Variants in CD58 observed in about 807,000 individuals in gnomAD.
The protein encoded by CD58 is CD58 molecule, also known as lymphocyte function-associated antigen 3.
In CD58, 14 loss-of-function variants were observed where a neutral mutation model predicts 27.6. That is an observed-to-expected ratio of 0.51 (90% confidence interval 0.34 to 0.79). The LOEUF (loss-of-function observed/expected upper bound fraction) is 0.79. Among genes scored for constraint, CD58 ranks in the 30% least tolerant of loss-of-function variants. CD58 has a pLI of 0.02. For missense variants in CD58, 268 were observed against 301.7 expected (o/e 0.89, Z 0.83); for synonymous variants, 117 against 103.8 (o/e 1.13, Z -0.77).
Position 116,550,736 on chromosome 1 carries a change from C to T in CD58, c.71-6132G>A, listed in dbSNP as rs1295534193. Among the ~76,000 whole-genome samples the T allele has an allele frequency of 1.3e-5, 2 of 152,052 alleles. No individual in the cohort carries two copies. The highest frequency in any genetic ancestry group is 2.9e-5 in the Non-Finnish European group (2 of 68,024). On this transcript the variant is annotated intron_variant, in intron 1 of 5. Transcript: ENST00000369489. The surrounding 1 kb of genome is among the most constrained non-coding windows in gnomAD (Gnocchi z 4.2). ...TTCAGAAGGTTGTCAATTTACTTTG[C>T]CCAGATTCATCAGAAGAATAATTAT...
intron 1 of CD58, among the ~76,000 whole-genome samples, chr1:116,560,471 C>T (rs1429144465): frequency 3.3e-5 from 5 of 152,166 alleles, no homozygotes; most frequent in African/African-American, 7.2e-5. Flanking sequence ...CTCAGTTCAT[C>T]GTTGGGAAAC....
rs1057386281 is a variant in CD58, at chr1:116,531,704, A to G, written c.628+4261T>C. Among the ~76,000 whole-genome samples, 2 of 152,240 alleles carry G rather than the reference A, an allele frequency of 1.3e-5. No homozygotes were observed. Among genetic ancestry groups the G allele is most frequent in the Non-Finnish European group, 2.9e-5 (2 of 68,042 alleles). On this transcript the variant is annotated intron_variant, in intron 3 of 5. Coordinates refer to ENST00000369489, the MANE Select transcript of CD58 (RefSeq NM_001779.3). This position sits in a 1 kb window ranked among gnomAD's most constrained non-coding sequence, Gnocchi z 4.5. ...TTTGATCTTTTCTCTGTCTTCAAAA[A>G]TCAAATCTATCAGTTATAAATTGGG...
At chr1:116,518,060 A>T (rs1316460903) in intron 5 of CD58, among the ~76,000 whole-genome samples, 1 of 152,208 alleles carries the variant, frequency 6.6e-6, no homozygotes, top group Non-Finnish European at 1.5e-5. Context: ...ATATTTTGAC[A>T]CAGTTATTTC....
At chr1:116,545,715 C>T (rs1658146247) in intron 1 of CD58, among the ~76,000 whole-genome samples, 1 of 152,150 alleles carries the variant, frequency 6.6e-6, no homozygotes, top group Non-Finnish European at 1.5e-5. Context: ...CTCTGCCCAG[C>T]CCTATTAGGG....
chr1:116,528,595 C>CA lies in CD58; in HGVS notation c.629-6613dup, dbSNP rs1050345823. On this transcript the variant is annotated intron_variant, in intron 3 of 5. Transcript: ENST00000369489. This position sits in a 1 kb window ranked among gnomAD's most constrained non-coding sequence, Gnocchi z 4.4. ...GAGAATATCCTCTTGCCTACCCCTT[C>CA]AAAAAATGTGCCCTTTCCCTAGGCT... Among the ~76,000 whole-genome samples, 5 of 152,160 alleles carry CA rather than the reference C, an allele frequency of 3.3e-5. No individual in the cohort carries two copies. The highest frequency in any genetic ancestry group is 1.2e-4 in the African/African-American group (5 of 41,432).
At chr1:116,565,643 T>C (rs780993807) in intron 1 of CD58, among the ~76,000 whole-genome samples, 6 of 149,268 alleles carry the variant, frequency 4.0e-5, no homozygotes, top group Non-Finnish European at 6.0e-5. Context: ...AAAAAATACA[T>C]AGAGTGTTAC....
chr1:116,563,494 T>C lies in CD58; in HGVS notation c.70+7409A>G, dbSNP rs897905684. ...TTCCACACTGCCCTAGCAGAGGTTC[T>C]CCATGAGGGTCCCACTCCTGCAGCA... On this transcript the variant is annotated intron_variant, in intron 1 of 5. Transcript: ENST00000369489. This position sits in a 1 kb window ranked among gnomAD's most constrained non-coding sequence, Gnocchi z 4.1. Among the ~76,000 whole-genome samples, 4 of 152,158 alleles carry C rather than the reference T, an allele frequency of 2.6e-5. No individual in the cohort carries two copies. The highest frequency in any genetic ancestry group is 1.3e-4 in the Admixed American group (2 of 15,286).
At chr1:116,547,780 T>C (rs935520743) in intron 1 of CD58, among the ~76,000 whole-genome samples, 6 of 152,214 alleles carry the variant, frequency 3.9e-5, no homozygotes, top group Non-Finnish European at 7.3e-5. Context: ...ACATGTTGTG[T>C]GTTGTCTTTT....
At chr1:116,568,864 G>A (rs1659031858) in intron 1 of CD58, among the ~76,000 whole-genome samples, 1 of 152,242 alleles carries the variant, frequency 6.6e-6, no homozygotes, top group Non-Finnish European at 1.5e-5. Flanking sequence ...TGACCCCAGA[G>A]CTGATGCTGT....
rs1446554386 is a variant in CD58, at chr1:116,534,526, C to T, written c.628+1439G>A. Among the ~76,000 whole-genome samples the T allele has an allele frequency of 2.6e-5, 4 of 152,296 alleles. No individual in the cohort carries two copies. Among genetic ancestry groups the T allele is most frequent in the African/African-American group, 7.2e-5 (3 of 41,568 alleles). On this transcript the variant is annotated intron_variant, in intron 3 of 5. Coordinates refer to ENST00000369489, the MANE Select transcript of CD58 (RefSeq NM_001779.3). This position sits in a 1 kb window ranked among gnomAD's most constrained non-coding sequence, Gnocchi z 5.3. Reference sequence around the variant, plus strand: ...CTCTACGCCTCCTCCGCTGGGCCGCCGGCGAGGAAGCCGCCCGCAGCGCAG... The same window carrying T: ...CTCTACGCCTCCTCCGCTGGGCCGCTGGCGAGGAAGCCGCCCGCAGCGCAG...
rs17036000 is a variant in CD58, at chr1:116,570,831, G to A, written c.70+72C>T. 16,549 of 1,241,654 alleles carry A rather than the reference G, an allele frequency of 0.013. 1,450 individuals carry two copies. The African/African-American group carries it at 0.21, about 15-fold the overall frequency. The allele number at this position is 1,241,654 out of a possible 1,614,324, so 76.9% of individuals were successfully genotyped here. On this transcript the variant is annotated intron_variant, in intron 1 of 5. Transcript: ENST00000369489. This position sits in a 1 kb window ranked among gnomAD's most constrained non-coding sequence, Gnocchi z 6.4. ...GATCGGCAACCGCCTCGAGCCCGGC[G>A]CGTCCACCCAGCCTGGGTGCTGCCC...
chr1:116,537,978 C>T (rs1425294638), intron 2 of CD58, among the ~76,000 whole-genome samples: 1 of 152,134 alleles, frequency 6.6e-6, no homozygotes, highest in Non-Finnish European at 1.5e-5. Flanking sequence ...TGCTTATGCT[C>T]CAATTATAAT....
In CD58 at chr1:116,524,066, C is replaced by T. The variant is rs1222466819; in HGVS notation, c.629-2083G>A. ...TTCAGAGTGGCTCCTGAGTCCTGTTCGTACCATCATGTTAAGTCTTTTTGA... is the reference window on the plus strand; with the variant it reads ...TTCAGAGTGGCTCCTGAGTCCTGTTTGTACCATCATGTTAAGTCTTTTTGA... On this transcript the variant is annotated intron_variant, in intron 3 of 5. Transcript: ENST00000369489. The surrounding 1 kb of genome is among the most constrained non-coding windows in gnomAD (Gnocchi z 4.6). Among the ~76,000 whole-genome samples the T allele has an allele frequency of 1.3e-5, 2 of 152,102 alleles. No individual in the cohort carries two copies. Among genetic ancestry groups the T allele is most frequent in the Admixed American group, 6.5e-5 (1 of 15,276 alleles).
chr1:116,539,508 AAAAAGAAAAGAAAAG>A (rs150111915), intron 2 of CD58, among the ~76,000 whole-genome samples: 3 of 152,184 alleles, frequency 2.0e-5, no homozygotes, highest in Non-Finnish European at 2.9e-5. Context: ...AGGGTTTGTA[AAAAAGAAAAGAAAAG>A]AAAAGAAAAG....
chr1:116,545,456 TG>T (rs1658137920), intron 1 of CD58, among the ~76,000 whole-genome samples: 1 of 152,000 alleles, frequency 6.6e-6, no homozygotes, highest in African/African-American at 2.4e-5. Context: ...GTGTTTGTAG[TG>T]GGGACAGACA....
rs911908181 is a variant in CD58 at position 116,521,773 on chromosome 1, G to A, written c.706+133C>T. On this transcript the variant is annotated intron_variant, in intron 4 of 5. Transcript: ENST00000369489. The surrounding 1 kb of genome is among the most constrained non-coding windows in gnomAD (Gnocchi z 5.6). ...TAGCATGCTCAGCAGTCCCACACAC[G>A]TAAAGCAAAAAAGTTTTTGTTTCTT... 5.3e-5 allele frequency: 34 copies of A among 644,348 alleles called. No individual in the cohort carries two copies. Among genetic ancestry groups the A allele is most frequent in the Middle Eastern group, 4.3e-4 (1 of 2,350 alleles). 39.9% of individuals were successfully genotyped at this position (644,348 alleles called of 1,614,324 possible). A position where few individuals can be genotyped will look rare whatever the true frequency, so the allele number is the denominator to read the frequency against.
rs964026549 is a variant in CD58, at chr1:116,570,784, C to A, written c.70+119G>T. 17 of 701,238 alleles carry A rather than the reference C, an allele frequency of 2.4e-5. No individual in the cohort carries two copies. The highest frequency in any genetic ancestry group is 8.0e-4 in the Middle Eastern group (2 of 2,500). 43.4% of individuals were successfully genotyped at this position (701,238 alleles called of 1,614,324 possible). A position where few individuals can be genotyped will look rare whatever the true frequency, so the allele number is the denominator to read the frequency against. ...CGGCTGAGTTGTTCCCGGCCCACAGCGACCCGTCCCCACCCGTCTCTGATC... is the reference window on the plus strand; with the variant it reads ...CGGCTGAGTTGTTCCCGGCCCACAGAGACCCGTCCCCACCCGTCTCTGATC... On this transcript the variant is annotated intron_variant, in intron 1 of 5. Coordinates refer to ENST00000369489, the MANE Select transcript of CD58 (RefSeq NM_001779.3). The surrounding 1 kb of genome is among the most constrained non-coding windows in gnomAD (Gnocchi z 6.4).
intron 4 of CD58, among the ~76,000 whole-genome samples, chr1:116,520,863 T>C (rs554702813): frequency 1.8e-4 from 28 of 152,176 alleles, no homozygotes; most frequent in Non-Finnish European, 3.7e-4. Context: ...TATTTACAAC[T>C]TATAATATGA....
chr1:116,525,559 G>C (rs1401058517), intron 3 of CD58, among the ~76,000 whole-genome samples: 1 of 152,180 alleles, frequency 6.6e-6, no homozygotes, highest in African/African-American at 2.4e-5. Flanking sequence ...CAAGAAGCAT[G>C]ACAGTTGTGT....
Sources: gnomAD v4.1 joint callset for allele counts (sites outside exome capture counted in the v4.1 genomes callset) on GRCh38, gnomAD v4.1.1 for gene constraint, Gnocchi (gnomAD v3.1) non-coding constraint, MANE v1.5 for transcripts, NCBI Gene and HGNC (gene_info 2026-07-23, HGNC 2026-07-21) for gene names.